MOXD1: variants seen among roughly 807,000 people sequenced by gnomAD.
MOXD1 encodes the protein monooxygenase DBH like 1.
Under a neutral mutation model 66.6 loss-of-function variants are expected in MOXD1, and 62 were observed. The observed-to-expected ratio is 0.93, with a 90% CI of 0.76 to 1.15. MOXD1 has a LOEUF of 1.15. Ranked by LOEUF, MOXD1 falls within the 50% of genes most tolerant of loss-of-function variation. The pLI, the probability that MOXD1 is intolerant of heterozygous loss-of-function variation, is 0.00. For synonymous variants in MOXD1, 303 were observed against 281.9 expected (o/e 1.07, Z -0.75); for missense variants, 847 against 754.6 (o/e 1.12, Z -1.44).
At chr6:132,345,341 T>C (rs552730125) in intron 4 of MOXD1, among the ~76,000 whole-genome samples, 128 of 152,302 alleles carry the variant, frequency 8.4e-4, no homozygotes, top group African/African-American at 2.9e-3. Flanking sequence ...AGGTTCTTTT[T>C]TGTGATGATT....
At chr6:132,312,300 CAGAAT>C (rs1034774853) in intron 10 of MOXD1, among the ~76,000 whole-genome samples, 5 of 152,022 alleles carry the variant, frequency 3.3e-5, no homozygotes, top group East Asian at 1.9e-4. Context: ...ATGAAAAGCA[CAGAAT>C]AGAAGAGTTT....
chr6:132,318,778 C>T (rs628227), intron 9 of MOXD1, among the ~76,000 whole-genome samples: 78,263 of 151,796 alleles, frequency 0.52, 23,852 homozygotes, highest in African/African-American at 0.85. Flanking sequence ...TTTCTTCCAG[C>T]GGTTTTAAAT....
At chr6:132,370,883 G>C (rs938770604) in intron 4 of MOXD1, among the ~76,000 whole-genome samples, 1 of 152,052 alleles carries the variant, frequency 6.6e-6, no homozygotes, top group Non-Finnish European at 1.5e-5. Context: ...GCTTCATATA[G>C]GAAAGTTAGT....
At position 132,387,614 on chromosome 6, in the gene MOXD1, T is replaced by A. The variant is rs555283340; in HGVS notation, c.265-12837A>T. On this transcript the variant is annotated intron_variant, in intron 1 of 11. Transcript: ENST00000367963. ...ACTAAAAATACAAAAATTAGCCGGG[T>A]ATGGTGGTGCACGCCTGTAATCCTA... Among the ~76,000 whole-genome samples the A allele has an allele frequency of 7.6e-4, 113 of 149,652 alleles. 1 individual carries two copies. Among genetic ancestry groups the A allele is most frequent in the African/African-American group, 2.5e-3 (102 of 41,112 alleles).
At chr6:132,383,887 T>C (rs1379888441) in intron 1 of MOXD1, among the ~76,000 whole-genome samples, 1 of 152,024 alleles carries the variant, frequency 6.6e-6, no homozygotes, top group African/African-American at 2.4e-5. Flanking sequence ...CTGGCCAAAA[T>C]AGTGAAACCC....
intron 10 of MOXD1, among the ~76,000 whole-genome samples, chr6:132,298,672 C>T (rs753900794): frequency 6.6e-6 from 1 of 151,992 alleles, no homozygotes; most frequent in Non-Finnish European, 1.5e-5. Flanking sequence ...AAATGCTCCA[C>T]ATCACTAATA....
At chr6:132,368,199 C>A (rs1776184529) in intron 4 of MOXD1, among the ~76,000 whole-genome samples, 1 of 151,998 alleles carries the variant, frequency 6.6e-6, no homozygotes, top group Admixed American at 6.6e-5. Context: ...CATGGCAATG[C>A]CATTACTGTT....
At chr6:132,319,936 T>C (rs1775041866) in intron 9 of MOXD1, among the ~76,000 whole-genome samples, 2 of 152,126 alleles carry the variant, frequency 1.3e-5, no homozygotes, top group African/African-American at 2.4e-5. Flanking sequence ...TATTTTCTAA[T>C]TTAAATCAAT....
chr6:132,349,603 C>G (rs1186248098), intron 4 of MOXD1, among the ~76,000 whole-genome samples: 1 of 151,170 alleles, frequency 6.6e-6, no homozygotes, highest in Non-Finnish European at 1.5e-5. Context: ...GTATCTTTTT[C>G]ATATAATGAC....
At chr6:132,347,494 T>C (rs1427528704) in intron 4 of MOXD1, among the ~76,000 whole-genome samples, 1 of 152,086 alleles carries the variant, frequency 6.6e-6, no homozygotes, top group East Asian at 1.9e-4. Flanking sequence ...CTGGCCAACA[T>C]AGTGAAACCC....
At position 132,340,079 on chromosome 6, in the gene MOXD1, AGGCTGGTCTCAAACT is replaced by A. The variant is rs1339132377; in HGVS notation, c.664-11500_664-11486del. On this transcript the variant is annotated intron_variant, in intron 4 of 11. Transcript: ENST00000367963. ...GAGACGGGGTTTCACCGTGTTGGCCAGGCTGGTCTCAAACTGGCTGGTCTCAAACTCCTGACCTTG... is the reference window on the plus strand; with the variant it reads ...GAGACGGGGTTTCACCGTGTTGGCCAGGCTGGTCTCAAACTCCTGACCTTG... Among the ~76,000 whole-genome samples the A allele has an allele frequency of 2.6e-5, 4 of 152,170 alleles. No individual in the cohort carries two copies. In the South Asian group the frequency reaches 6.2e-4, roughly 24 times the overall value.
intron 4 of MOXD1, among the ~76,000 whole-genome samples, chr6:132,360,882 C>T (rs1388678275): frequency 2.0e-5 from 3 of 152,132 alleles, no homozygotes; most frequent in Non-Finnish European, 2.9e-5. Flanking sequence ...GTGGGCATAT[C>T]GAGTATACAT....
At chr6:132,299,180 A>C (rs559190791) in intron 10 of MOXD1, among the ~76,000 whole-genome samples, 2 of 152,310 alleles carry the variant, frequency 1.3e-5, no homozygotes, top group South Asian at 4.1e-4. Flanking sequence ...AGGAACAGAA[A>C]ACCAAAAACC....
At chr6:132,359,177 T>C (rs1375065656) in intron 4 of MOXD1, among the ~76,000 whole-genome samples, 2 of 151,202 alleles carry the variant, frequency 1.3e-5, no homozygotes, top group East Asian at 1.9e-4. Context: ...TGGAGTGCAG[T>C]GGTGAGAAAA....
At chr6:132,330,865 G>GA (rs1389819796) in intron 4 of MOXD1, among the ~76,000 whole-genome samples, 1 of 152,158 alleles carries the variant, frequency 6.6e-6, no homozygotes, top group African/African-American at 2.4e-5. Context: ...TGAATGGGCA[G>GA]CCAAGAAATT....
chr6:132,364,199 AG>A (rs1378940044), intron 4 of MOXD1, among the ~76,000 whole-genome samples: 2 of 152,212 alleles, frequency 1.3e-5, no homozygotes, highest in Non-Finnish European at 1.5e-5. Context: ...AGACAAGAAC[AG>A]GAGGAAATTA....
At chr6:132,297,752 G>T (rs753546697) in intron 11 of MOXD1, 35 bp downstream of exon 11, 1 of 1,552,312 alleles carries the variant, frequency 6.4e-7, no homozygotes, top group Non-Finnish European at 8.7e-7. Context: ...GATAAAATGT[G>T]TCATCTGGGT....
intron 6 of MOXD1, among the ~76,000 whole-genome samples, chr6:132,326,159 T>C (rs1775183416): frequency 6.6e-6 from 1 of 152,106 alleles, no homozygotes; most frequent in African/African-American, 2.4e-5. Context: ...AAAGTAATAA[T>C]TTCTTAAGCA....
intron 9 of MOXD1, among the ~76,000 whole-genome samples, chr6:132,319,899 TTA>T (rs1196913520): frequency 1.6e-4 from 24 of 152,132 alleles, no homozygotes; most frequent in African/African-American, 5.8e-4. Context: ...GTTGAGGTGA[TTA>T]TATATCTTTT....
Sources: allele counts gnomAD v4.1 joint callset (sites outside exome capture counted in the v4.1 genomes callset), GRCh38; gene constraint gnomAD v4.1.1; transcripts MANE v1.5; gene names NCBI Gene and HGNC (gene_info 2026-07-23, HGNC 2026-07-21).